Variants in TYW1B observed in about 807,000 individuals in gnomAD.
TYW1B encodes tRNA-yW synthesizing protein 1 homolog B.
TYW1B carries 73 observed loss-of-function variants against 86.9 expected under a neutral mutation model. The observed-to-expected ratio is 0.84, with a 90% CI of 0.70 to 1.02. The LOEUF (loss-of-function observed/expected upper bound fraction) is 1.02, where lower values mean the gene tolerates loss of function less well. TYW1B is among the 50% of genes least tolerant of loss of function. TYW1B has a pLI of 0.00. For synonymous variants in TYW1B, 248 were observed against 292.8 expected (o/e 0.85, Z 1.56); for missense variants, 637 against 827.4 (o/e 0.77, Z 2.82).
chr7:72,820,847 G>C (rs1464301687), intron 2 of TYW1B, among the ~76,000 whole-genome samples: 2 of 152,206 alleles, frequency 1.3e-5, no homozygotes, highest in African/African-American at 4.8e-5. Context: ...TGAGATGACT[G>C]TCCAAATCCA....
Position 72,713,607 on chromosome 7 carries a change from G to A in TYW1B, c.1370+14C>T, listed in dbSNP as rs782664913. 1.7e-5 allele frequency: 28 copies of A among 1,606,528 alleles called. 1 individual carries two copies. In the East Asian group the frequency reaches 4.7e-4, roughly 27 times the overall value. On this transcript the variant is annotated intron_variant, in intron 10 of 13. Transcript: ENST00000620995. ...AGATTCAAGCAGCATCTCTCCATAGGCTGGAGAACTCACCTGATTTCCGCA... is the reference window on the plus strand; with the variant it reads ...AGATTCAAGCAGCATCTCTCCATAGACTGGAGAACTCACCTGATTTCCGCA...
At chr7:72,599,620 A>C (rs879961123) in intron 13 of TYW1B, among the ~76,000 whole-genome samples, 3 of 152,150 alleles carry the variant, frequency 2.0e-5, no homozygotes, top group Admixed American at 6.6e-5. Context: ...GTGATTATAC[A>C]TGTAGAAGAT....
chr7:72,593,322 A>C (rs1200316583), intron 13 of TYW1B, among the ~76,000 whole-genome samples: 3 of 151,718 alleles, frequency 2.0e-5, no homozygotes, highest in Non-Finnish European at 4.4e-5. Flanking sequence ...AAAGAAAATA[A>C]AGCACTTGAA....
intron 13 of TYW1B, among the ~76,000 whole-genome samples, chr7:72,584,734 G>A (rs1423785526): frequency 6.6e-6 from 1 of 152,136 alleles, no homozygotes; most frequent in Non-Finnish European, 1.5e-5. Flanking sequence ...AGGATTACAG[G>A]CATGAGCCAC....
At chr7:72,634,356 CTTTTTTT>C (rs797035075) in intron 11 of TYW1B, among the ~76,000 whole-genome samples, 1 of 110,850 alleles carries the variant, frequency 9.0e-6, no homozygotes, top group Non-Finnish European at 1.9e-5. Context: ...TTTTTTTTTT[CTTTTTTT>C]TTTTCTGTAG....
At chr7:72,798,104 C>T (rs1428834746) in intron 6 of TYW1B, among the ~76,000 whole-genome samples, 2 of 151,852 alleles carry the variant, frequency 1.3e-5, no homozygotes, top group South Asian at 2.1e-4. Context: ...TTTTTTAAAT[C>T]TTAAGTCCGT....
rs188387530 is a variant in TYW1B, at chr7:72,787,292, G to A, written c.847-9759C>T. Among the ~76,000 whole-genome samples, 115 of 151,612 alleles carry A rather than the reference G, an allele frequency of 7.6e-4. 1 individual carries two copies. Among genetic ancestry groups the A allele is most frequent in the Admixed American group, 5.7e-3 (86 of 15,206 alleles). On this transcript the variant is annotated intron_variant, in intron 6 of 13. Transcript: ENST00000620995. The stretch of plus-strand genomic sequence containing the variant: ...CCCTGGCCAACATGGTAAAAACCCC[G>A]TCTCTACAAAAAATACAAAAATTAG...
At position 72,791,117 on chromosome 7, in the gene TYW1B, T is replaced by C. The variant is rs555832564; in HGVS notation, c.846+11283A>G. Among the ~76,000 whole-genome samples the C allele has an allele frequency of 3.3e-5, 5 of 152,340 alleles. No individual in the cohort carries two copies. The East Asian group carries it at 5.8e-4, about 18-fold the overall frequency. ...CTCTTTTGATAAAAGGGTCTTTGCT[T>C]CTGATTAGAGGAGCGCTATGGAACG... On this transcript the variant is annotated intron_variant, in intron 6 of 13. Coordinates refer to ENST00000620995, the MANE Select transcript of TYW1B (RefSeq NM_001145440.3).
intron 2 of TYW1B, among the ~76,000 whole-genome samples, chr7:72,818,308 A>G (rs540597533): frequency 1.3e-5 from 2 of 152,040 alleles, no homozygotes; most frequent in Non-Finnish European, 2.9e-5. Context: ...CCGGCCGGGC[A>G]TGGTGGCTCA....
chr7:72,728,543 G>A (rs1217663829), intron 9 of TYW1B, among the ~76,000 whole-genome samples: 2 of 152,148 alleles, frequency 1.3e-5, no homozygotes, highest in African/African-American at 4.8e-5. Flanking sequence ...CTGACCTCAG[G>A]TGATCCGCCC....
chr7:72,740,386 C>G (rs1787282157), intron 8 of TYW1B, among the ~76,000 whole-genome samples: 1 of 138,696 alleles, frequency 7.2e-6, no homozygotes, highest in Admixed American at 7.6e-5. Flanking sequence ...GGTGACAGAG[C>G]AAGACCCTGT....
chr7:72,788,084 T>A (rs1554472833), intron 6 of TYW1B, among the ~76,000 whole-genome samples: 1 of 151,950 alleles, frequency 6.6e-6, no homozygotes, highest in Non-Finnish European at 1.5e-5. Flanking sequence ...TTCACGCCAT[T>A]CTTCTGCCTC....
intron 11 of TYW1B, among the ~76,000 whole-genome samples, chr7:72,691,174 T>C (rs1184499006): frequency 6.8e-6 from 1 of 146,146 alleles, no homozygotes; most frequent in African/African-American, 2.6e-5. Context: ...TCTTATAAGA[T>C]CAGACATTCA....
intron 11 of TYW1B, among the ~76,000 whole-genome samples, chr7:72,669,567 A>G (rs1813545061): frequency 6.6e-6 from 1 of 151,942 alleles, no homozygotes; most frequent in South Asian, 2.1e-4. Flanking sequence ...GTTGTTCAAG[A>G]CTAGCCTGGC....
rs144343617 is a variant in TYW1B, at chr7:72,826,276, G to A, written c.135+579C>T. 6.7e-3 allele frequency among the ~76,000 whole-genome samples: 1,019 copies of A among 152,212 alleles called. 15 individuals are homozygous for A. Among genetic ancestry groups the A allele is most frequent in the African/African-American group, 0.021 (872 of 41,550 alleles). ...ACACAAAATCCATCAAGCCTAAATC[G>A]TTTCCCAACTTCAGCAGGGATGAAA... is the stretch of plus-strand genomic sequence containing the variant. On this transcript the variant is annotated intron_variant, in intron 2 of 13. Transcript: ENST00000620995.
chr7:72,586,949 T>C (rs1432443686), intron 13 of TYW1B, among the ~76,000 whole-genome samples: 1 of 151,912 alleles, frequency 6.6e-6, no homozygotes, highest in Non-Finnish European at 1.5e-5. Context: ...CAAAACGGAA[T>C]AAAACAAAAA....
At chr7:72,735,414 AT>A (rs1197580124) in intron 8 of TYW1B, among the ~76,000 whole-genome samples, 3 of 152,092 alleles carry the variant, frequency 2.0e-5, no homozygotes, top group African/African-American at 7.2e-5. Context: ...TACTAAAAAT[AT>A]AAAAAATTAA....
At chr7:72,813,842 C>T (rs1380218075) in intron 3 of TYW1B, among the ~76,000 whole-genome samples, 2 of 151,828 alleles carry the variant, frequency 1.3e-5, no homozygotes, top group African/African-American at 4.8e-5. Context: ...TAATGAAACC[C>T]CATGTCTGTT....
At chr7:72,672,650 A>AT (rs1813637933) in intron 11 of TYW1B, among the ~76,000 whole-genome samples, 1 of 152,160 alleles carries the variant, frequency 6.6e-6, no homozygotes, top group Admixed American at 6.6e-5. Context: ...CCAACTTTTC[A>AT]TATCTGTGGG....
Sources: gnomAD v4.1 joint callset for allele counts (sites outside exome capture counted in the v4.1 genomes callset) on GRCh38, gnomAD v4.1.1 for gene constraint, MANE v1.5 for transcripts, NCBI Gene and HGNC (gene_info 2026-07-23, HGNC 2026-07-21) for gene names.